Variants in COL12A1 observed in about 807,000 individuals in gnomAD.
COL12A1 encodes the protein collagen alpha-1(XII) chain.
Under a neutral mutation model 349.7 loss-of-function variants are expected in COL12A1, and 114 were observed. The observed-to-expected ratio is 0.33, with a 90% CI of 0.28 to 0.38. The LOEUF is 0.38. Among genes scored for constraint, COL12A1 ranks in the 10% least tolerant of loss-of-function variants. The probability of loss-of-function intolerance (pLI) is 1.00; values close to 1 mark genes in which losing one functional copy is unlikely to be tolerated. For missense variants in COL12A1, 3,284 were observed against 3,756.9 expected (o/e 0.87, Z 3.29); for synonymous variants, 1,369 against 1,329.0 (o/e 1.03, Z -0.66).
At chr6:75,086,803 A>G (rs956812939) in intron 65 of COL12A1, among the ~76,000 whole-genome samples, 1 of 151,928 alleles carries the variant, frequency 6.6e-6, no homozygotes, top group Non-Finnish European at 1.5e-5. Context: ...TTTTGGTCAT[A>G]TGTAATTATG....
At chr6:75,141,594 A>G (rs1171147991) in intron 27 of COL12A1, among the ~76,000 whole-genome samples, 1 of 152,156 alleles carries the variant, frequency 6.6e-6, no homozygotes, top group African/African-American at 2.4e-5. Context: ...TCTTATCTCC[A>G]CAACTAAATC....
rs114492905 is a variant in COL12A1 at position 75,174,628 on chromosome 6, T to A, written c.2710+410A>T. Among the ~76,000 whole-genome samples the A allele has an allele frequency of 5.5e-3, 840 of 152,338 alleles. 8 individuals are homozygous for A. Among genetic ancestry groups the A allele is most frequent in the African/African-American group, 0.019 (789 of 41,584 alleles). On this transcript the variant is annotated intron_variant, in intron 13 of 65. Transcript: ENST00000322507. ...ATGGTAAATGGAAAGAGCACTTGAA[T>A]GGAAGTCAGAAAATGGCTCTTATCT...
At chr6:75,115,745 G>T in intron 49 of COL12A1, 39 bp downstream of exon 49, 1 of 1,562,546 alleles carries the variant, frequency 6.4e-7, no homozygotes, top group Non-Finnish European at 8.6e-7. Flanking sequence ...ACTTTTTGCA[G>T]GTCTTAAGAA....
At chr6:75,107,794 G>A (rs1379829810) in intron 52 of COL12A1, among the ~76,000 whole-genome samples, 1 of 152,062 alleles carries the variant, frequency 6.6e-6, no homozygotes, top group Non-Finnish European at 1.5e-5. Flanking sequence ...GTAAAAAGTT[G>A]TTTAGACAAT....
At chr6:75,128,223 A>G in intron 38 of COL12A1, 73 bp downstream of exon 38, 5 of 1,349,018 alleles carry the variant, frequency 3.7e-6, no homozygotes, top group Non-Finnish European at 4.8e-6. Flanking sequence ...TTAGGTTTTA[A>G]AAGGTATAAA....
chr6:75,152,291 A>G (rs770187287), intron 18 of COL12A1, 41 bp from the exon 19 acceptor site: 16 of 1,613,460 alleles, frequency 9.9e-6, no homozygotes, highest in African/African-American at 1.3e-5. Context: ...TGAAAGAGAA[A>G]GATAAAAATG....
rs368724178 is a variant in COL12A1 at position 75,136,387 on chromosome 6, CT to C, written c.5394+1049del. On this transcript the variant is annotated intron_variant, in intron 31 of 65. Transcript: ENST00000322507. ...TACCTAAGACTGGAGCTATAAAAGC[CT>C]CAAAAGACCAACTCAAAGTCACACT... 2.9e-3 allele frequency among the ~76,000 whole-genome samples: 439 copies of C among 152,220 alleles called. 1 individual carries two copies. Among genetic ancestry groups the C allele is most frequent in the African/African-American group, 0.01 (426 of 41,528 alleles).
At chr6:75,200,350 A>G (rs1770464586) in intron 2 of COL12A1, among the ~76,000 whole-genome samples, 1 of 152,190 alleles carries the variant, frequency 6.6e-6, no homozygotes, top group Non-Finnish European at 1.5e-5. Flanking sequence ...AGGCAGGTGA[A>G]TCAATTGAGG....
intron 3 of COL12A1, 108 bp from the exon 4 acceptor site, chr6:75,192,463 A>T: frequency 2.0e-6 from 2 of 1,002,512 alleles, no homozygotes. Flanking sequence ...TTCAGTATAT[A>T]CATTTTTTCA....
At position 75,189,308 on chromosome 6, in the gene COL12A1, C is replaced by A; in HGVS notation, c.732G>T (p.Val244=). ...SAGARVGFPK[V]AIIITDGKSQ... ...ATTTTCCATCCGTAATAATAATTGC[C>A]ACTTTAGGAAAGCCAACTCTTGCCC... The change falls in exon 7 of 66, where the codon GTG becomes GTT. Residue 244 remains valine, a synonymous_variant. Coordinates refer to ENST00000322507, the MANE Select transcript of COL12A1 (RefSeq NM_004370.6). The A allele has an allele frequency of 1.2e-6, 2 of 1,613,182 alleles. No individual in the cohort carries two copies. Among genetic ancestry groups the A allele is most frequent in the East Asian group, 2.2e-5 (1 of 44,842 alleles).
At chr6:75,158,444 C>A (rs778875880) in intron 14 of COL12A1, among the ~76,000 whole-genome samples, 12 of 152,116 alleles carry the variant, frequency 7.9e-5, no homozygotes, top group Non-Finnish European at 1.5e-4. Flanking sequence ...AACTTTCCAG[C>A]CTCCAAAACT....
rs370012355 is a variant in COL12A1, at chr6:75,119,205, A to G, written c.7211-19T>C. ...GCCTTGCCTACAGAATGTGGCATGGAAAATTTTAGTGTCACTTCAGTGAAA... is the reference window on the plus strand; with the variant it reads ...GCCTTGCCTACAGAATGTGGCATGGGAAATTTTAGTGTCACTTCAGTGAAA... On this transcript the variant is annotated intron_variant, in intron 45 of 65. Coordinates refer to ENST00000322507, the MANE Select transcript of COL12A1 (RefSeq NM_004370.6). 7 of 1,613,694 alleles carry G rather than the reference A, an allele frequency of 4.3e-6. No homozygotes were observed. The African/African-American group carries it at 9.3e-5, about 22-fold the overall frequency.
intron 12 of COL12A1, among the ~76,000 whole-genome samples, chr6:75,175,594 A>C (rs1582180350): frequency 6.6e-6 from 1 of 152,226 alleles, no homozygotes; most frequent in East Asian, 1.9e-4. Flanking sequence ...CCTATAAAAT[A>C]GTTTCCCTGT....
At chr6:75,149,510 G>A (rs1057015309) in intron 21 of COL12A1, among the ~76,000 whole-genome samples, 1 of 151,898 alleles carries the variant, frequency 6.6e-6, no homozygotes, top group Non-Finnish European at 1.5e-5. Flanking sequence ...CCCTGTGGGT[G>A]GATATAGGTG....
intron 37 of COL12A1, 100 bp from the exon 38 acceptor site, chr6:75,128,525 T>C: frequency 1.0e-6 from 1 of 987,508 alleles, no homozygotes; most frequent in Non-Finnish European, 1.4e-6. Context: ...TAATAGTAGT[T>C]TTTTTCACAT....
Position 75,116,061 on chromosome 6 carries a change from C to T in COL12A1, c.7520-4G>A, listed in dbSNP as rs777213161. 9 of 1,612,944 alleles carry T rather than the reference C, an allele frequency of 5.6e-6. No individual in the cohort carries two copies. In the East Asian group the frequency reaches 2.0e-4, roughly 36 times the overall value. On this transcript the variant is annotated splice_region_variant and splice_polypyrimidine_tract_variant and intron_variant, in intron 47 of 65. Coordinates refer to ENST00000322507, the MANE Select transcript of COL12A1 (RefSeq NM_004370.6). ...TCCAAATAAATGAGAGGACAACCTG[C>T]AATGTACAGTGTTCTTTAAGTATGA...
intron 27 of COL12A1, among the ~76,000 whole-genome samples, chr6:75,139,561 AC>A (rs1475394176): frequency 2.6e-5 from 4 of 152,228 alleles, no homozygotes; most frequent in Non-Finnish European, 5.9e-5. Context: ...GCTGTAAACA[AC>A]ACTAAAAGTA....
At position 75,188,351 on chromosome 6, in the gene COL12A1, A is replaced by G. The variant is rs1421503784; in HGVS notation, c.997+11T>C. The G allele has an allele frequency of 1.2e-6, 2 of 1,609,674 alleles. No individual in the cohort carries two copies. The highest frequency in any genetic ancestry group is 1.7e-6 in the Non-Finnish European group (2 of 1,178,330). ...GACTAACACATGGGGAATGCTACACAGTCTACTCACCTTCTTCTCCACTAA... is the reference window on the plus strand; with the variant it reads ...GACTAACACATGGGGAATGCTACACGGTCTACTCACCTTCTTCTCCACTAA... On this transcript the variant is annotated intron_variant, in intron 8 of 65. Transcript: ENST00000322507.
chr6:75,156,835 T>C (rs1251268799), intron 14 of COL12A1, among the ~76,000 whole-genome samples: 1 of 152,228 alleles, frequency 6.6e-6, no homozygotes, highest in Non-Finnish European at 1.5e-5. Flanking sequence ...TTAGAATTTT[T>C]ATTATATTTC....
Sources: gnomAD v4.1 joint callset for allele counts (sites outside exome capture counted in the v4.1 genomes callset) on GRCh38, gnomAD v4.1.1 for gene constraint, MANE v1.5 for transcripts, NCBI Gene and HGNC (gene_info 2026-07-23, HGNC 2026-07-21) for gene names.